The following LILRB1 variants were observed in gnomAD, a reference collection of about 807,000 sequenced individuals.
The protein encoded by LILRB1 is leukocyte immunoglobulin like receptor B1, also known as leukocyte immunoglobulin-like receptor subfamily B member 1.
Under a neutral mutation model 74.6 loss-of-function variants are expected in LILRB1, and 59 were observed. That is an observed-to-expected ratio of 0.79 (90% CI 0.64 to 0.98). The LOEUF (loss-of-function observed/expected upper bound fraction) is 0.98, where lower values mean the gene tolerates loss of function less well. Among genes scored for constraint, LILRB1 ranks in the 50% least tolerant of loss-of-function variants. The pLI is 0.00. For synonymous variants in LILRB1, 328 were observed against 333.9 expected (o/e 0.98, Z 0.19); for missense variants, 804 against 822.6 (o/e 0.98, Z 0.28).
intron 12 of LILRB1, 119 bp downstream of exon 12, chr19:54,635,415 C>T: frequency 6.6e-7 from 1 of 1,521,436 alleles, no homozygotes; most frequent in Non-Finnish European, 9.0e-7. Context: ...GATCATCTCA[C>T]CCCACACTGT....
intron 1 of LILRB1, among the ~76,000 whole-genome samples, chr19:54,625,044 G>T (rs1168020860): frequency 7.3e-6 from 1 of 137,392 alleles, no homozygotes; most frequent in Non-Finnish European, 1.7e-5. Flanking sequence ...TTTGCTCTGG[G>T]GACACGTGAA....
chr19:54,632,800 G>A (rs775196836), intron 6 of LILRB1, 40 bp downstream of exon 6: 219 of 1,609,478 alleles, frequency 1.4e-4, no homozygotes, highest in Middle Eastern at 4.4e-4. Context: ...CCCAGGCTCC[G>A]CACAGGCCCT....
rs558009161 is a variant in LILRB1 at position 54,623,145 on chromosome 19, C to T, written c.-166+5796C>T. Among the ~76,000 whole-genome samples the T allele has an allele frequency of 2.0e-5, 3 of 152,220 alleles. No homozygotes were observed. The East Asian group carries it at 5.8e-4, about 29-fold the overall frequency. On this transcript the variant is annotated intron_variant, in intron 1 of 15. Coordinates refer to the LILRB1 transcript ENST00000396331. ...CTTTATTTTTCTGTTGGATCCCTGT[C>T]TGATTTTGCTATCAGGGTGATATTG...
chr19:54,637,018 G>A lies in LILRB1; in HGVS notation c.*140G>A. On this transcript the variant is annotated 3_prime_UTR_variant, in exon 15 of 15. Coordinates refer to ENST00000324602, the MANE Select transcript of LILRB1 (RefSeq NM_001081637.3). ...GAACTTTTAGGGGTCACTCAATTCT[G>A]CAGTATAAATAACTAATGTCTCTAC... is the stretch of plus-strand genomic sequence containing the variant. The A allele has an allele frequency of 1.0e-6, 1 of 955,038 alleles. No individual in the cohort carries two copies. Among genetic ancestry groups the A allele is most frequent in the Non-Finnish European group, 1.6e-6 (1 of 643,308 alleles). 59.2% of individuals were successfully genotyped at this position (955,038 alleles called of 1,614,324 possible).
intron 7 of LILRB1, 84 bp downstream of exon 7, chr19:54,633,402 G>A: frequency 2.0e-6 from 3 of 1,524,756 alleles, no homozygotes; most frequent in Non-Finnish European, 2.7e-6. Context: ...GGGATGGAGT[G>A]AGCGGGGGTC....
chr19:54,634,188 T>C, intron 9 of LILRB1, 167 bp downstream of exon 9: 2 of 1,503,846 alleles, frequency 1.3e-6, no homozygotes, highest in Non-Finnish European at 1.8e-6. Flanking sequence ...GGTGGGAAAG[T>C]TCCTTTCAGC....
At chr19:54,636,184 A>T in intron 13 of LILRB1, 1 of 565,252 alleles carries the variant, frequency 1.8e-6, no homozygotes, top group Non-Finnish European at 3.4e-6. Context: ...AAGCCTGGAC[A>T]GAGTGGGGCA....
chr19:54,616,685 G>C (rs1316609065), upstream of LILRB1, among the ~76,000 whole-genome samples: 1 of 152,144 alleles, frequency 6.6e-6, no homozygotes, highest in African/African-American at 2.4e-5. Flanking sequence ...ACATTCTAAA[G>C]GGTCTTCTCC....
In LILRB1 at chr19:54,632,044, G is replaced by C; in HGVS notation, c.468G>C (p.Leu156=). ...DSQVAFDGFI[L]CKEGEDEHPQ... ...AGGTGGCATTTGATGGCTTCATTCT[G>C]TGTAAGGAAGGAGAAGATGAACACC... The change falls in exon 5 of 15, where the codon CTG becomes CTC. Residue 156 remains leucine, a synonymous_variant. Transcript: ENST00000324602. The C allele has an allele frequency of 6.2e-7, 1 of 1,614,136 alleles. No individual in the cohort carries two copies.
chr19:54,625,426 T>TG (rs1413856637), upstream of LILRB1, among the ~76,000 whole-genome samples: 2 of 152,016 alleles, frequency 1.3e-5, no homozygotes, highest in East Asian at 3.9e-4. Flanking sequence ...CAGAAGCCTG[T>TG]GGGATTCCAC....
Position 54,632,095 on chromosome 19 carries a change from T to C in LILRB1, c.519T>C (p.His173=), listed in dbSNP as rs748429663. 7.4e-6 allele frequency: 12 copies of C among 1,614,114 alleles called. No homozygotes were observed. In the East Asian group the frequency reaches 2.4e-4, roughly 33 times the overall value. Reference sequence around the variant, plus strand: ...CACAATGCCTGAACTCCCAGCCCCATGCCCGTGGGTCGTCCCGCGCCATCT... The same window carrying C: ...CACAATGCCTGAACTCCCAGCCCCACGCCCGTGGGTCGTCCCGCGCCATCT... The part of the protein sequence containing the change: ...EHPQCLNSQP[H]ARGSSRAIFS... Residue 173 remains histidine (H), a synonymous_variant, in exon 5 of 15, where the codon CAT becomes CAC. Coordinates refer to ENST00000324602, the MANE Select transcript of LILRB1 (RefSeq NM_001081637.3).
intron 10 of LILRB1, 84 bp from the exon 11 acceptor site, chr19:54,635,020 T>C: frequency 7.4e-7 from 1 of 1,350,022 alleles, no homozygotes; most frequent in Admixed American, 2.6e-5. Flanking sequence ...TGTTTTTAGG[T>C]TTCCTTCCTT....
rs370972960 is a variant in LILRB1 at position 54,636,631 on chromosome 19, G to A, written c.1791G>A (p.Glu597=). Reference sequence around the variant, plus strand: ...ACACAAAGGACAGACAGGCGGAAGAGGACAGGCAGATGGACACTGAGGTGA... The same window carrying A: ...ACACAAAGGACAGACAGGCGGAAGAAGACAGGCAGATGGACACTGAGGTGA... ...FLDTKDRQAE[E]DRQMDTEAAA... The change falls in exon 14 of 15, where the codon GAG becomes GAA. Residue 597 remains glutamate (E), a synonymous_variant. Coordinates refer to ENST00000324602, the MANE Select transcript of LILRB1 (RefSeq NM_001081637.3). 4.3e-6 allele frequency: 7 copies of A among 1,610,620 alleles called. No individual in the cohort carries two copies. Among genetic ancestry groups the A allele is most frequent in the Non-Finnish European group, 5.9e-6 (7 of 1,178,782 alleles).
intron 12 of LILRB1, 119 bp downstream of exon 12, chr19:54,635,415 C>A: frequency 6.6e-7 from 1 of 1,521,430 alleles, no homozygotes; most frequent in Non-Finnish European, 9.0e-7. Flanking sequence ...GATCATCTCA[C>A]CCCACACTGT....
upstream of LILRB1, among the ~76,000 whole-genome samples, chr19:54,628,777 G>A (rs2063667661): frequency 6.6e-6 from 1 of 152,092 alleles, no homozygotes; most frequent in Non-Finnish European, 1.5e-5. Flanking sequence ...AACAGGCTGA[G>A]ACCATCTTCT....
At position 54,620,522 on chromosome 19, in the gene LILRB1, C is replaced by T. The variant is rs935897868; in HGVS notation, c.-166+3173C>T. On this transcript the variant is annotated intron_variant, in intron 1 of 15. Coordinates refer to the LILRB1 transcript ENST00000396331. ...AGCTTGTTTGGATTGATGCAGGACC[C>T]GTAGCTCACTATTAAACAATCACTA... is the stretch of plus-strand genomic sequence containing the variant. Among the ~76,000 whole-genome samples, 8 of 152,018 alleles carry T rather than the reference C, an allele frequency of 5.3e-5. No individual in the cohort carries two copies. The South Asian group carries it at 6.2e-4, about 12-fold the overall frequency.
chr19:54,632,324 T>C, intron 5 of LILRB1, 87 bp downstream of exon 5: 1 of 1,559,726 alleles, frequency 6.4e-7, no homozygotes, highest in African/African-American at 1.4e-5. Flanking sequence ...CCAGGTGGGA[T>C]GATGTTGGGG....
rs2063937512 is a variant in LILRB1, at chr19:54,632,204, C to T, written c.628C>T (p.Leu210=). The T allele has an allele frequency of 6.2e-7, 1 of 1,614,008 alleles. No homozygotes were observed. Residue 210 remains leucine, a synonymous_variant, in exon 5 of 15, where the codon CTA becomes TTA. Coordinates refer to ENST00000324602, the MANE Select transcript of LILRB1 (RefSeq NM_001081637.3). ...YDSNSPYEWS[L]PSDLLELLVL... The stretch of plus-strand genomic sequence containing the variant: ...CTCGAACTCTCCCTATGAGTGGTCT[C>T]TACCCAGTGATCTCCTGGAGCTCCT...
upstream of LILRB1, among the ~76,000 whole-genome samples, chr19:54,616,897 G>A (rs1276029772): frequency 1.3e-5 from 2 of 152,188 alleles, no homozygotes; most frequent in South Asian, 2.1e-4. Context: ...GGACCCCATC[G>A]TGATGTGAGT....
Sources: gnomAD v4.1 joint callset for allele counts (sites outside exome capture counted in the v4.1 genomes callset) on GRCh38, gnomAD v4.1.1 for gene constraint, MANE v1.5 for transcripts, NCBI Gene and HGNC (gene_info 2026-07-23, HGNC 2026-07-21) for gene names.